SHC3: variants seen among roughly 807,000 people sequenced by gnomAD.
SHC3 encodes SHC-transforming protein 3.
SHC3 carries 15 observed loss-of-function variants against 60.4 expected under a neutral mutation model. The observed-to-expected ratio is 0.25, with a 90% CI of 0.17 to 0.38. The LOEUF is 0.38. Ranked by LOEUF, SHC3 falls within the 10% of genes least tolerant of loss-of-function variation. The probability of loss-of-function intolerance (pLI) is 1.00; values close to 1 mark genes in which losing one functional copy is unlikely to be tolerated. For synonymous variants in SHC3, 294 were observed against 325.9 expected, an observed-to-expected ratio of 0.90 and a Z score of 1.05; for missense variants, 677 against 786.1, an observed-to-expected ratio of 0.86 and a Z score of 1.66.
intron 2 of SHC3, among the ~76,000 whole-genome samples, chr9:89,098,228 C>G (rs1156454571): frequency 1.3e-5 from 2 of 152,098 alleles, no homozygotes; most frequent in African/African-American, 4.8e-5. Context: ...AGAACTATTC[C>G]AGATTCAAGG....
chr9:89,156,789 A>G (rs1367405672), intron 1 of SHC3, among the ~76,000 whole-genome samples: 1 of 152,178 alleles, frequency 6.6e-6, no homozygotes, highest in Non-Finnish European at 1.5e-5. Flanking sequence ...GGGCCTGGAG[A>G]AGGTCATGCC....
At position 89,013,579 on chromosome 9, in the gene SHC3, T is replaced by C. The variant is rs749773212; in HGVS notation, c.1657-4A>G. 6 of 1,609,448 alleles carry C rather than the reference T, an allele frequency of 3.7e-6. No homozygotes were observed. Among genetic ancestry groups the C allele is most frequent in the Non-Finnish European group, 4.2e-6 (5 of 1,178,198 alleles). On this transcript the variant is annotated splice_polypyrimidine_tract_variant and splice_region_variant and intron_variant, in intron 11 of 11. Coordinates refer to ENST00000375835, the MANE Select transcript of SHC3 (RefSeq NM_016848.6). Reference sequence around the variant, plus strand: ...AGACTCTGTCCTTTGTCCGGATCTATGAATGAAGCAAAGGAAAGGTTAAGC... The same window carrying C: ...AGACTCTGTCCTTTGTCCGGATCTACGAATGAAGCAAAGGAAAGGTTAAGC...
In SHC3 at chr9:89,178,498, C is replaced by T. The variant is rs1826982695; in HGVS notation, c.-38G>A. Reference sequence around the variant, plus strand: ...GCTCGCTGCATCCGCCCGGGCGCTGCTGGTGCCGGCCCCGGCGCGGGCTGC... The same window carrying T: ...GCTCGCTGCATCCGCCCGGGCGCTGTTGGTGCCGGCCCCGGCGCGGGCTGC... On this transcript the variant is annotated 5_prime_UTR_variant, in exon 1 of 12. Coordinates refer to ENST00000375835, the MANE Select transcript of SHC3 (RefSeq NM_016848.6). The surrounding 1 kb of genome is among the most constrained non-coding windows in gnomAD (Gnocchi z 6.9). 1.4e-6 allele frequency: 2 copies of T among 1,419,956 alleles called. No individual in the cohort carries two copies. Among genetic ancestry groups the T allele is most frequent in the Middle Eastern group, 1.9e-4 (1 of 5,358 alleles). 88.0% of individuals were successfully genotyped at this position (1,419,956 alleles called of 1,614,324 possible). A position where few individuals can be genotyped will look rare whatever the true frequency, so the allele number is the denominator to read the frequency against.
chr9:89,115,031 C>T (rs79612543), intron 1 of SHC3, among the ~76,000 whole-genome samples: 8,970 of 152,138 alleles, frequency 0.059, 356 homozygotes, highest in Admixed American at 0.11. Context: ...TTATGTGACT[C>T]GCACAACCAA....
At chr9:89,169,272 G>A (rs530515826) in intron 1 of SHC3, among the ~76,000 whole-genome samples, 2 of 152,144 alleles carry the variant, frequency 1.3e-5, no homozygotes, top group African/African-American at 4.8e-5. Flanking sequence ...AGGACTAGGA[G>A]GCCTGCCCCT....
chr9:89,144,230 A>G (rs1207972565), intron 1 of SHC3, among the ~76,000 whole-genome samples: 2 of 152,124 alleles, frequency 1.3e-5, no homozygotes, highest in Admixed American at 1.3e-4. Flanking sequence ...GGGAAGAGTG[A>G]CTTTTGATTT....
At chr9:89,071,112 A>T (rs1825263286) in intron 5 of SHC3, 87 bp downstream of exon 5, 1 of 1,240,684 alleles carries the variant, frequency 8.1e-7, no homozygotes, top group South Asian at 1.3e-5. Flanking sequence ...CCTTTTTTAC[A>T]GTGTCTTGCA....
chr9:89,142,184 C>T (rs982565611), intron 1 of SHC3, among the ~76,000 whole-genome samples: 4 of 152,196 alleles, frequency 2.6e-5, no homozygotes, highest in African/African-American at 9.7e-5. Context: ...CCTCCAACCC[C>T]CTAAATCTTA....
chr9:89,082,778 C>A (rs1201869502), intron 2 of SHC3, among the ~76,000 whole-genome samples: 1 of 152,172 alleles, frequency 6.6e-6, no homozygotes, highest in African/African-American at 2.4e-5. Context: ...TTTTAACCTG[C>A]GGTTGCCTCC....
At chr9:89,160,651 G>C (rs1186824887) in intron 1 of SHC3, among the ~76,000 whole-genome samples, 1 of 152,172 alleles carries the variant, frequency 6.6e-6, no homozygotes, top group Non-Finnish European at 1.5e-5. Context: ...GTTTGGAAAT[G>C]TGCTGGTAAA....
intron 11 of SHC3, among the ~76,000 whole-genome samples, chr9:89,026,711 G>A (rs1054078877): frequency 6.6e-6 from 1 of 152,332 alleles, no homozygotes; most frequent in East Asian, 1.9e-4. Flanking sequence ...AGCCCAGCTT[G>A]GAACCCTGTC....
At chr9:89,134,456 C>A (rs1248781806) in intron 1 of SHC3, among the ~76,000 whole-genome samples, 1 of 147,868 alleles carries the variant, frequency 6.8e-6, no homozygotes, top group East Asian at 1.9e-4. Context: ...CACTGATCTG[C>A]TCTTTACTGA....
intron 5 of SHC3, among the ~76,000 whole-genome samples, chr9:89,066,598 C>G (rs779772737): frequency 1.3e-4 from 20 of 152,230 alleles, no homozygotes; most frequent in Non-Finnish European, 2.4e-4. Flanking sequence ...AGAAAAGACT[C>G]CTCTGCAAAG....
chr9:89,173,013 G>A (rs1433537490), intron 1 of SHC3, among the ~76,000 whole-genome samples: 3 of 152,196 alleles, frequency 2.0e-5, no homozygotes, highest in Admixed American at 2.0e-4. Context: ...TACATTAGAT[G>A]CTGGTGCAAA....
intron 2 of SHC3, among the ~76,000 whole-genome samples, chr9:89,080,394 G>A (rs771001490): frequency 2.0e-5 from 3 of 152,084 alleles, no homozygotes; most frequent in Admixed American, 6.5e-5. Flanking sequence ...CAGCCCAACC[G>A]CCAGATGTGA....
At chr9:89,143,839 T>A (rs1310813152) in intron 1 of SHC3, among the ~76,000 whole-genome samples, 1 of 152,112 alleles carries the variant, frequency 6.6e-6, no homozygotes. Context: ...TTGTAAACTG[T>A]AAGGTCATAC....
chr9:89,110,223 G>T, intron 2 of SHC3: 1 of 985,392 alleles, frequency 1.0e-6, no homozygotes. Context: ...TGTATACAAA[G>T]TGAAATGCTG....
intron 11 of SHC3, among the ~76,000 whole-genome samples, chr9:89,015,114 G>T (rs981994741): frequency 2.6e-5 from 4 of 152,158 alleles, no homozygotes; most frequent in African/African-American, 9.7e-5. Context: ...TTCTACTGAG[G>T]TTGTTTAATT....
intron 11 of SHC3, among the ~76,000 whole-genome samples, chr9:89,022,833 C>T (rs1198193718): frequency 6.6e-6 from 1 of 152,174 alleles, no homozygotes; most frequent in African/African-American, 2.4e-5. Context: ...CTCATCCTTA[C>T]CCCGAAGCCT....
Sources: allele counts gnomAD v4.1 joint callset (sites outside exome capture counted in the v4.1 genomes callset), GRCh38; gene constraint gnomAD v4.1.1; non-coding constraint Gnocchi (gnomAD v3.1); transcripts MANE v1.5; gene names NCBI Gene and HGNC (gene_info 2026-07-23, HGNC 2026-07-21).